The following FBXO3 variants were observed in gnomAD, a reference collection of about 807,000 sequenced individuals.
FBXO3 encodes the protein F-box only protein 3.
In FBXO3, 17 loss-of-function variants were observed where a neutral mutation model predicts 64.8. That is an observed-to-expected ratio of 0.26 (90% CI 0.18 to 0.39). FBXO3 has a LOEUF of 0.39. Ranked by LOEUF, FBXO3 falls within the 10% of genes least tolerant of loss-of-function variation. The pLI is 1.00. For missense variants in FBXO3, 420 were observed against 589.9 expected (o/e 0.71, Z 2.98); for synonymous variants, 182 against 201.6 (o/e 0.90, Z 0.82).
At chr11:33,752,304 C>T (rs1391736708) in intron 6 of FBXO3, among the ~76,000 whole-genome samples, 1 of 152,044 alleles carries the variant, frequency 6.6e-6, no homozygotes, top group Admixed American at 6.5e-5. Flanking sequence ...TAATGTTTAC[C>T]CCTTCTAGGT....
chr11:33,759,704 G>A (rs140258109), intron 3 of FBXO3, among the ~76,000 whole-genome samples: 1 of 152,174 alleles, frequency 6.6e-6, no homozygotes, highest in East Asian at 1.9e-4. Flanking sequence ...GACAAGATCT[G>A]ACTAAAGAAA....
chr11:33,750,767 AC>A, intron 7 of FBXO3, 106 bp from the exon 8 acceptor site: 1 of 1,070,640 alleles, frequency 9.3e-7, no homozygotes, highest in Non-Finnish European at 1.3e-6. Context: ...CATATTTCAG[AC>A]CCAGAAAAGT....
chr11:33,768,291 TAGAA>T (rs1254389818), intron 3 of FBXO3, among the ~76,000 whole-genome samples: 1 of 152,214 alleles, frequency 6.6e-6, no homozygotes, highest in Non-Finnish European at 1.5e-5. Context: ...AATGGTGTAA[TAGAA>T]AGAGCATATT....
intron 1 of FBXO3, chr11:33,772,596 T>C (rs901924392): frequency 1.3e-5 from 2 of 152,334 alleles, no homozygotes; most frequent in African/African-American, 2.4e-5. Context: ...GAACTGCATA[T>C]GCCCTGCTTC....
chr11:33,763,490 G>A (rs1855290458), intron 3 of FBXO3, among the ~76,000 whole-genome samples: 1 of 152,012 alleles, frequency 6.6e-6, no homozygotes, highest in Non-Finnish European at 1.5e-5. Context: ...CATTAACAGA[G>A]TAAGGAGAAA....
At position 33,742,092 on chromosome 11, in the gene FBXO3, G is replaced by A. The variant is rs1359464063; in HGVS notation, c.1240-8C>T. On this transcript the variant is annotated splice_region_variant and splice_polypyrimidine_tract_variant and intron_variant, in intron 10 of 10. Coordinates refer to ENST00000265651, the MANE Select transcript of FBXO3 (RefSeq NM_012175.4). ...TTCATCAGGACCCATTTCCTTGAAA[G>A]AGAAAACAATCTTTTGATAAGAAGA... 1.3e-6 allele frequency: 2 copies of A among 1,545,756 alleles called. No individual in the cohort carries two copies. Among genetic ancestry groups the A allele is most frequent in the Admixed American group, 4.1e-5 (2 of 49,250 alleles).
chr11:33,764,435 A>G (rs996785775), intron 3 of FBXO3, among the ~76,000 whole-genome samples: 23 of 152,298 alleles, frequency 1.5e-4, no homozygotes, highest in Middle Eastern at 6.8e-3. Flanking sequence ...TGATAATTCA[A>G]TGAGTTGTGC....
intron 8 of FBXO3, among the ~76,000 whole-genome samples, chr11:33,750,123 C>T (rs1322753664): frequency 6.6e-6 from 1 of 152,114 alleles, no homozygotes; most frequent in Admixed American, 6.5e-5. Context: ...ATGTCTAACA[C>T]TATGTCTGAC....
At position 33,758,525 on chromosome 11, in the gene FBXO3, T is replaced by C. The variant is rs1341452078; in HGVS notation, c.435A>G (p.Ser145=). ...ACTTCTGTCCATTGTGAATTCGGTATGAACATCGATAATCGTCAGGAAGCT... is the reference window on the plus strand; with the variant it reads ...ACTTCTGTCCATTGTGAATTCGGTACGAACATCGATAATCGTCAGGAAGCT... ...GCKLPDDYRC[S]YRIHNGQKLV... is the part of the protein sequence containing the mutation. Residue 145 remains serine, a synonymous_variant, in exon 4 of 11, where the codon TCA becomes TCG. Transcript: ENST00000265651. 9 of 1,608,942 alleles carry C rather than the reference T, an allele frequency of 5.6e-6. No individual in the cohort carries two copies. Among genetic ancestry groups the C allele is most frequent in the Admixed American group, 1.7e-5 (1 of 59,788 alleles).
intron 2 of FBXO3, among the ~76,000 whole-genome samples, 157 bp from the exon 3 acceptor site, chr11:33,769,171 A>T (rs192236698): frequency 8.9e-4 from 135 of 152,290 alleles, no homozygotes; most frequent in Middle Eastern, 3.4e-3. Context: ...ATATATACAT[A>T]AAAAAATTTT....
At chr11:33,746,940 G>C in intron 10 of FBXO3, 190 bp downstream of exon 10, 1 of 1,442,136 alleles carries the variant, frequency 6.9e-7, no homozygotes, top group Non-Finnish European at 9.0e-7. Flanking sequence ...GAAATTCTCT[G>C]GTTAGAGACT....
At chr11:33,756,717 A>G (rs781399987) in intron 4 of FBXO3, among the ~76,000 whole-genome samples, 3 of 152,128 alleles carry the variant, frequency 2.0e-5, no homozygotes, top group Admixed American at 1.3e-4. Context: ...ACTGACTTCT[A>G]TGTCTGACCC....
At chr11:33,744,915 CA>C (rs1854776966) in intron 10 of FBXO3, 1 of 152,074 alleles carries the variant, frequency 6.6e-6, no homozygotes, top group Admixed American at 6.5e-5. Context: ...TTTAGAGTTT[CA>C]GGGGGTCATG....
intron 6 of FBXO3, among the ~76,000 whole-genome samples, chr11:33,752,013 C>T (rs1399964181): frequency 6.6e-6 from 1 of 152,220 alleles, no homozygotes; most frequent in African/African-American, 2.4e-5. Flanking sequence ...CACCTATTCT[C>T]AGACGTCCCT....
intron 6 of FBXO3, among the ~76,000 whole-genome samples, chr11:33,751,833 G>C (rs576902024): frequency 6.6e-6 from 1 of 152,138 alleles, no homozygotes; most frequent in Non-Finnish European, 1.5e-5. Flanking sequence ...TATTGTTAGA[G>C]AATCCTCCAA....
In FBXO3 at chr11:33,751,722, T is replaced by C. The variant is rs569478198; in HGVS notation, c.725-115A>G. ...GAATGTGATACCAAAACTAGAAACA[T>C]TTATAGATATAATTGTACTAATTAT... is the stretch of plus-strand genomic sequence containing the variant. On this transcript the variant is annotated intron_variant, in intron 6 of 10. Transcript: ENST00000265651. 29 of 562,920 alleles carry C rather than the reference T, an allele frequency of 5.2e-5. 1 individual carries two copies. In the African/African-American group the frequency reaches 5.7e-4, roughly 11 times the overall value. The allele number at this position is 562,920 out of a possible 1,614,324, so 34.9% of individuals were successfully genotyped here. A position where few individuals can be genotyped will look rare whatever the true frequency, so the allele number is the denominator to read the frequency against.
chr11:33,763,158 C>T (rs1382241806), intron 3 of FBXO3: 4 of 307,058 alleles, frequency 1.3e-5, no homozygotes, highest in Admixed American at 7.3e-5. Context: ...AATGGCTTCA[C>T]TGGTGCATTC....
At chr11:33,760,538 G>A (rs774986825) in intron 3 of FBXO3, among the ~76,000 whole-genome samples, 5 of 151,944 alleles carry the variant, frequency 3.3e-5, no homozygotes, top group Admixed American at 6.6e-5. Context: ...CCAGCTACTC[G>A]GGAGACTGAG....
chr11:33,757,182 G>A, intron 4 of FBXO3: 1 of 446,150 alleles, frequency 2.2e-6, no homozygotes, highest in Non-Finnish European at 4.4e-6. Context: ...ACAGTGCAAA[G>A]TTCTCCTTAA....
Sources: allele counts gnomAD v4.1 joint callset (sites outside exome capture counted in the v4.1 genomes callset), GRCh38; gene constraint gnomAD v4.1.1; transcripts MANE v1.5; gene names NCBI Gene and HGNC (gene_info 2026-07-23, HGNC 2026-07-21).